The following IQGAP2 variants were observed in gnomAD, a reference collection of about 807,000 sequenced individuals.
The protein encoded by IQGAP2 is ras GTPase-activating-like protein IQGAP2.
A neutral mutation model predicts 201.3 loss-of-function variants in IQGAP2; 173 were observed. The observed-to-expected ratio is 0.86, with a 90% confidence interval of 0.76 to 0.98. IQGAP2 has a LOEUF of 0.98. IQGAP2 is among the 50% of genes least tolerant of loss of function. The probability of loss-of-function intolerance (pLI) is 0.00; values close to 1 mark genes in which losing one functional copy is unlikely to be tolerated. For missense variants in IQGAP2, 1,687 were observed against 1,864.8 expected, an observed-to-expected ratio of 0.90 and a Z score of 1.76; for synonymous variants, 675 against 673.9, an observed-to-expected ratio of 1.00 and a Z score of -0.03.
intron 2 of IQGAP2, among the ~76,000 whole-genome samples, chr5:76,482,140 A>G (rs938780261): frequency 1.6e-4 from 25 of 152,210 alleles, no homozygotes; most frequent in African/African-American, 5.1e-4. Context: ...CATGGGATGC[A>G]TTCTTTTTCT....
intron 1 of IQGAP2, among the ~76,000 whole-genome samples, chr5:76,417,724 G>T (rs372586384): frequency 3.3e-5 from 5 of 151,920 alleles, no homozygotes; most frequent in Non-Finnish European, 7.4e-5. Flanking sequence ...GGGATTACAG[G>T]TGTATGCCAC....
intron 13 of IQGAP2, chr5:76,617,722 A>G (rs1749125015): frequency 6.2e-7 from 1 of 1,614,006 alleles, no homozygotes; most frequent in East Asian, 2.2e-5. Flanking sequence ...TTGTTGTAGT[A>G]GTAGTTAGCA....
chr5:76,433,578 A>G (rs1041844305), intron 1 of IQGAP2, among the ~76,000 whole-genome samples: 3 of 152,188 alleles, frequency 2.0e-5, no homozygotes, highest in South Asian at 2.1e-4. Context: ...TAAGTACCCA[A>G]CAATTCTTGC....
chr5:76,476,223 G>A (rs1013880950), intron 2 of IQGAP2, among the ~76,000 whole-genome samples: 2 of 152,180 alleles, frequency 1.3e-5, no homozygotes, highest in Non-Finnish European at 2.9e-5. Flanking sequence ...CCACCCAGCA[G>A]AGGCAGGCCT....
chr5:76,450,235 C>T (rs904500646), intron 1 of IQGAP2, among the ~76,000 whole-genome samples: 6 of 152,160 alleles, frequency 3.9e-5, no homozygotes, highest in Non-Finnish European at 7.4e-5. Flanking sequence ...ACATTATCTT[C>T]AGCCTGCAAA....
intron 20 of IQGAP2, among the ~76,000 whole-genome samples, chr5:76,657,398 G>C (rs1197390994): frequency 2.0e-5 from 3 of 152,140 alleles, no homozygotes; most frequent in African/African-American, 7.2e-5. Flanking sequence ...GGAAATAAAG[G>C]GTCCCATGAT....
At chr5:76,542,733 T>C (rs1742856648) in intron 2 of IQGAP2, among the ~76,000 whole-genome samples, 1 of 152,224 alleles carries the variant, frequency 6.6e-6, no homozygotes, top group Non-Finnish European at 1.5e-5. Flanking sequence ...TGTCTCCTCA[T>C]ACCTGGAACA....
chr5:76,606,356 G>T, intron 12 of IQGAP2, 53 bp downstream of exon 12: 1 of 1,475,876 alleles, frequency 6.8e-7, no homozygotes, highest in Non-Finnish European at 9.0e-7. Flanking sequence ...AAGGTATCTG[G>T]ACAACTTAGT....
chr5:76,595,271 T>TTTC (rs1746941853), intron 9 of IQGAP2, among the ~76,000 whole-genome samples: 1 of 123,176 alleles, frequency 8.1e-6, no homozygotes, highest in African/African-American at 3.3e-5. Flanking sequence ...TTTTTTTTTT[T>TTTC]CCGGACAGGG....
Position 76,467,643 on chromosome 5 carries a change from G to A in IQGAP2, c.146+5974G>A, listed in dbSNP as rs548504939. ...AGCAATTATCCTCCCAGGTATATAC[G>A]AATGAAAATTGAAAATCTATGCCCA... On this transcript the variant is annotated intron_variant, in intron 2 of 35. Transcript: ENST00000274364. Among the ~76,000 whole-genome samples the A allele has an allele frequency of 5.9e-5, 9 of 152,228 alleles. 2 individuals are homozygous for A. The highest frequency in any genetic ancestry group is 1.9e-4 in the African/African-American group (8 of 41,550).
At chr5:76,583,905 C>T (rs1371545155) in intron 5 of IQGAP2, among the ~76,000 whole-genome samples, 1 of 151,082 alleles carries the variant, frequency 6.6e-6, no homozygotes, top group East Asian at 1.9e-4. Flanking sequence ...CAGAGTCTTG[C>T]TCTGTTGCCC....
intron 23 of IQGAP2, among the ~76,000 whole-genome samples, chr5:76,670,752 G>C (rs1487141694): frequency 6.6e-6 from 1 of 152,200 alleles, no homozygotes; most frequent in Non-Finnish European, 1.5e-5. Flanking sequence ...GTGGCTAGAA[G>C]CTGTATTGCA....
intron 5 of IQGAP2, among the ~76,000 whole-genome samples, chr5:76,587,394 A>G (rs1746323812): frequency 6.6e-6 from 1 of 152,190 alleles, no homozygotes; most frequent in Non-Finnish European, 1.5e-5. Flanking sequence ...TAGGTTTATT[A>G]AGCATTATTT....
chr5:76,526,898 T>C (rs1436125791), intron 2 of IQGAP2, among the ~76,000 whole-genome samples: 2 of 152,258 alleles, frequency 1.3e-5, no homozygotes, highest in Non-Finnish European at 2.9e-5. Flanking sequence ...CATGTACCTA[T>C]AGGCCATAAG....
At chr5:76,496,748 T>TCTTTCTTTC in intron 2 of IQGAP2, among the ~76,000 whole-genome samples, 1 of 61,336 alleles carries the variant, frequency 1.6e-5, no homozygotes, top group African/African-American at 9.0e-5. Flanking sequence ...TTTCTTTCTT[T>TCTTTCTTTC]CTTTCTTTCT....
At chr5:76,706,795 TTCTTTCA>T in intron 35 of IQGAP2, among the ~76,000 whole-genome samples, 1 of 152,252 alleles carries the variant, frequency 6.6e-6, no homozygotes. Flanking sequence ...AAAAGCTATT[TTCTTTCA>T]TCTAAGTCAC....
chr5:76,703,168 G>A (rs1747570600), intron 35 of IQGAP2, among the ~76,000 whole-genome samples: 1 of 138,822 alleles, frequency 7.2e-6, no homozygotes, highest in African/African-American at 2.6e-5. Flanking sequence ...GGTGGGGGGG[G>A]GCATTGAGAA....
chr5:76,521,706 A>G (rs1042713134), intron 2 of IQGAP2, among the ~76,000 whole-genome samples: 2 of 152,184 alleles, frequency 1.3e-5, no homozygotes, highest in African/African-American at 4.8e-5. Flanking sequence ...TCACTGTAGC[A>G]TTTTGGAATG....
At chr5:76,628,748 A>G (rs1750459416) in intron 14 of IQGAP2, 1 of 455,886 alleles carries the variant, frequency 2.2e-6, no homozygotes, top group Non-Finnish European at 4.4e-6. Context: ...TTAGCTTAGA[A>G]AAATGTGTGT....
Sources: gnomAD v4.1 joint callset for allele counts (sites outside exome capture counted in the v4.1 genomes callset) on GRCh38, gnomAD v4.1.1 for gene constraint, MANE v1.5 for transcripts, NCBI Gene and HGNC (gene_info 2026-07-23, HGNC 2026-07-21) for gene names.